Variants in RNGTT observed in about 807,000 individuals in gnomAD.
RNGTT encodes RNA guanylyltransferase and 5'-phosphatase.
RNGTT carries 33 observed loss-of-function variants against 79.3 expected under a neutral mutation model. That is an observed-to-expected ratio of 0.42 (90% CI 0.32 to 0.56). RNGTT has a LOEUF of 0.56. RNGTT is among the 20% of genes least tolerant of loss of function. The pLI is 0.17. For synonymous variants in RNGTT, 222 were observed against 235.9 expected, an observed-to-expected ratio of 0.94 and a Z score of 0.54; for missense variants, 497 against 739.1, an observed-to-expected ratio of 0.67 and a Z score of 3.80.
At chr6:88,962,341 C>A (rs868856133) in intron 1 of RNGTT, among the ~76,000 whole-genome samples, 14 of 152,074 alleles carry the variant, frequency 9.2e-5, no homozygotes, top group South Asian at 4.2e-4. Context: ...TTAAAAAAAA[C>A]AAAAACCCGG....
intron 14 of RNGTT, among the ~76,000 whole-genome samples, chr6:88,668,267 C>T (rs369570627): frequency 6.6e-5 from 10 of 152,072 alleles, no homozygotes; most frequent in Non-Finnish European, 1.5e-4. Flanking sequence ...CTGGATCCAC[C>T]ACAGCCACGT....
chr6:88,874,537 CAA>C (rs1444265504), intron 8 of RNGTT, among the ~76,000 whole-genome samples: 7 of 152,012 alleles, frequency 4.6e-5, no homozygotes, highest in African/African-American at 1.7e-4. Context: ...CACAGATTCA[CAA>C]AGAGGATAAA....
At chr6:88,686,164 G>C (rs1184985162) in intron 13 of RNGTT, among the ~76,000 whole-genome samples, 1 of 150,548 alleles carries the variant, frequency 6.6e-6, no homozygotes, top group African/African-American at 2.4e-5. Context: ...AACTATGGAT[G>C]ATCCAATTCA....
chr6:88,912,713 G>A (rs1344994458), intron 4 of RNGTT, among the ~76,000 whole-genome samples: 4 of 151,906 alleles, frequency 2.6e-5, no homozygotes, highest in Admixed American at 2.0e-4. Context: ...GTGACATTAC[G>A]ACCAACCACA....
chr6:88,797,294 A>AAAT (rs1291940484), intron 12 of RNGTT, among the ~76,000 whole-genome samples: 2 of 152,202 alleles, frequency 1.3e-5, no homozygotes, highest in African/African-American at 4.8e-5. Flanking sequence ...AGACCACTGA[A>AAAT]AATAACATGT....
At chr6:88,963,068 A>C (rs1785695255) in intron 1 of RNGTT, among the ~76,000 whole-genome samples, 1 of 151,968 alleles carries the variant, frequency 6.6e-6, no homozygotes, top group Non-Finnish European at 1.5e-5. Flanking sequence ...AAGTACGCCC[A>C]CTGTATTCCT....
chr6:88,668,042 C>G (rs1774484927), intron 14 of RNGTT, among the ~76,000 whole-genome samples: 1 of 152,190 alleles, frequency 6.6e-6, no homozygotes, highest in Non-Finnish European at 1.5e-5. Flanking sequence ...GCTGCAATGA[C>G]AGCTACAGGC....
At chr6:88,887,115 G>GT (rs1782889867) in intron 8 of RNGTT, among the ~76,000 whole-genome samples, 1 of 150,054 alleles carries the variant, frequency 6.7e-6, no homozygotes, top group Non-Finnish European at 1.5e-5. Flanking sequence ...GCCTTGGTCA[G>GT]GCTAATGCAA....
At chr6:88,689,132 C>T (rs1400118867) in intron 13 of RNGTT, among the ~76,000 whole-genome samples, 3 of 152,072 alleles carry the variant, frequency 2.0e-5, no homozygotes, top group Non-Finnish European at 4.4e-5. Flanking sequence ...GTTCATGGGT[C>T]ATCTTTATTC....
At chr6:88,907,556 C>T (rs1783696023) in intron 4 of RNGTT, among the ~76,000 whole-genome samples, 1 of 152,068 alleles carries the variant, frequency 6.6e-6, no homozygotes, top group African/African-American at 2.4e-5. Flanking sequence ...ATTAAATTTC[C>T]TTCCTTCATA....
intron 6 of RNGTT, among the ~76,000 whole-genome samples, chr6:88,893,886 A>G (rs1783135791): frequency 6.6e-6 from 1 of 152,192 alleles, no homozygotes; most frequent in Non-Finnish European, 1.5e-5. Context: ...TTGCTATTTA[A>G]TGTTACTACA....
rs556520006 is a variant in RNGTT at position 88,906,220 on chromosome 6, T to C, written c.443+145A>G. The C allele has an allele frequency of 2.6e-5, 16 of 615,264 alleles. No individual in the cohort carries two copies. In the East Asian group the frequency reaches 3.1e-4, roughly 12 times the overall value. The allele number at this position is 615,264 out of a possible 1,614,324, so 38.1% of individuals were successfully genotyped here. A position where few individuals can be genotyped will look rare whatever the true frequency, so the allele number is the denominator to read the frequency against. On this transcript the variant is annotated intron_variant, in intron 5 of 15. Coordinates refer to ENST00000369485, the MANE Select transcript of RNGTT (RefSeq NM_003800.5). ...ACACCAAGTAATGGTAGTATAAAGA[T>C]TAACCATATCTAAAATGAAAAGCAG...
rs372505574 is a variant in RNGTT, at chr6:88,828,482, TCTC to T, written c.1269+15872_1269+15874del. On this transcript the variant is annotated intron_variant, in intron 11 of 15. Transcript: ENST00000369485. Reference sequence around the variant, plus strand: ...AAATTCCAAAAGCCAGAATGCCTCTTCTCCTCCAAAGGATCACAACTCCTCATC... The same window carrying T: ...AAATTCCAAAAGCCAGAATGCCTCTTCTCCAAAGGATCACAACTCCTCATC... 4.6e-3 allele frequency among the ~76,000 whole-genome samples: 696 copies of T among 152,142 alleles called. 4 individuals carry two copies. The highest frequency in any genetic ancestry group is 0.015 in the African/African-American group (640 of 41,516).
At chr6:88,860,778 A>G (rs1005220491) in intron 8 of RNGTT, among the ~76,000 whole-genome samples, 1 of 151,856 alleles carries the variant, frequency 6.6e-6, no homozygotes, top group African/African-American at 2.4e-5. Context: ...GTTCAAGACT[A>G]GCCTGGCCAA....
chr6:88,896,705 TTTAAG>T (rs887775742), intron 6 of RNGTT, among the ~76,000 whole-genome samples: 3 of 152,182 alleles, frequency 2.0e-5, no homozygotes, highest in Non-Finnish European at 4.4e-5. Context: ...TTTAAGCCAG[TTTAAG>T]TTATTTTCTG....
chr6:88,616,943 T>C (rs1772248370), intron 14 of RNGTT, among the ~76,000 whole-genome samples: 1 of 152,246 alleles, frequency 6.6e-6, no homozygotes, highest in Non-Finnish European at 1.5e-5. Context: ...ATTTTGGTGT[T>C]GCACACAAGA....
chr6:88,905,119 C>T (rs1201357255), intron 5 of RNGTT, among the ~76,000 whole-genome samples, 164 bp from the exon 6 acceptor site: 1 of 152,144 alleles, frequency 6.6e-6, no homozygotes, highest in Non-Finnish European at 1.5e-5. Context: ...TATTAAGGGA[C>T]ACATTCATTC....
chr6:88,669,835 T>C (rs553838058), intron 14 of RNGTT, among the ~76,000 whole-genome samples: 3 of 152,280 alleles, frequency 2.0e-5, no homozygotes, highest in African/African-American at 4.8e-5. Flanking sequence ...AGCATAGCCA[T>C]AGGCAATTGG....
intron 10 of RNGTT, among the ~76,000 whole-genome samples, chr6:88,846,727 T>C (rs2127902588): frequency 6.7e-6 from 1 of 149,204 alleles, no homozygotes; most frequent in African/African-American, 2.5e-5. Context: ...GCCACTGCAC[T>C]CCAGCCTGGG....
Sources: allele counts gnomAD v4.1 joint callset (sites outside exome capture counted in the v4.1 genomes callset), GRCh38; gene constraint gnomAD v4.1.1; transcripts MANE v1.5; gene names NCBI Gene and HGNC (gene_info 2026-07-23, HGNC 2026-07-21).